SDK2: variants seen among roughly 807,000 people sequenced by gnomAD.
The protein encoded by SDK2 is sidekick cell adhesion molecule 2.
A neutral mutation model predicts 253.9 loss-of-function variants in SDK2; 105 were observed. The ratio of observed to expected loss-of-function variants is 0.41; its 90% CI spans 0.35 to 0.49. The LOEUF (loss-of-function observed/expected upper bound fraction) is 0.49, where lower values mean the gene tolerates loss of function less well. SDK2 is among the 20% of genes least tolerant of loss of function. The pLI is 0.06. For synonymous variants in SDK2, 1,249 were observed against 1,234.9 expected (o/e 1.01, Z -0.24); for missense variants, 2,608 against 3,003.0 (o/e 0.87, Z 3.07).
chr17:73,563,328 C>G (rs1455498592), intron 1 of SDK2, among the ~76,000 whole-genome samples: 3 of 152,340 alleles, frequency 2.0e-5, no homozygotes, highest in East Asian at 3.8e-4. Context: ...CATCCCAACA[C>G]TTTGGGAGGC....
chr17:73,468,815 G>A (rs1237106753), intron 3 of SDK2, among the ~76,000 whole-genome samples: 3 of 149,650 alleles, frequency 2.0e-5, no homozygotes, highest in Non-Finnish European at 3.0e-5. Context: ...TTGAGCCACC[G>A]CACCCAGCCT....
chr17:73,394,210 T>C lies in SDK2; in HGVS notation c.3707A>G (p.Lys1236Arg). The change falls in exon 26 of 45, where the codon AAG (lysine) becomes AGG (arginine). Residue 1236 changes from lysine to arginine, a missense_variant and splice_region_variant. Around this residue, in one of 2 missense-constraint regions of SDK2, gnomAD observed 1,505 missense variants for 1,859.1 expected, o/e 0.81. Transcript: ENST00000392650. ...ADRNGLVLGY[K>R]VMYKEKDSDT... is the part of the protein sequence containing the mutation. ...ACCTCCTGGGATCCCGGGACTCACC[T>C]TATAGCCCAGCACGAGCCCGTTGCG... The C allele has an allele frequency of 1.3e-6, 2 of 1,555,852 alleles. No individual in the cohort carries two copies. Among genetic ancestry groups the C allele is most frequent in the African/African-American group, 1.4e-5 (1 of 73,722 alleles).
At chr17:73,571,693 T>A (rs563485722) in intron 1 of SDK2, among the ~76,000 whole-genome samples, 1 of 152,334 alleles carries the variant, frequency 6.6e-6, no homozygotes, top group East Asian at 1.9e-4. Flanking sequence ...GGGCTACGCC[T>A]TCTTACTGGA....
intron 4 of SDK2, among the ~76,000 whole-genome samples, chr17:73,449,792 G>A (rs1250990392): frequency 6.6e-6 from 1 of 151,800 alleles, no homozygotes; most frequent in Non-Finnish European, 1.5e-5. Flanking sequence ...TGGTGGTGGT[G>A]CATGCCTGTA....
intron 1 of SDK2, among the ~76,000 whole-genome samples, chr17:73,608,032 C>A (rs1437331336): frequency 2.6e-5 from 4 of 152,118 alleles, no homozygotes; most frequent in Non-Finnish European, 5.9e-5. Context: ...TGACCACCAA[C>A]TACACCCCAC....
intron 1 of SDK2, among the ~76,000 whole-genome samples, chr17:73,568,988 G>A (rs1027102224): frequency 2.0e-5 from 3 of 152,150 alleles, no homozygotes; most frequent in Admixed American, 1.3e-4. Flanking sequence ...TGGCCTTTGT[G>A]TATATTTTCT....
chr17:73,378,493 C>T (rs1397673365), intron 36 of SDK2, among the ~76,000 whole-genome samples: 1 of 151,752 alleles, frequency 6.6e-6, no homozygotes, highest in Non-Finnish European at 1.5e-5. Flanking sequence ...AATCTCGGCT[C>T]ACTGCAACCT....
rs143699624 is a variant in SDK2 at position 73,569,744 on chromosome 17, AAAG to A, written c.65-62150_65-62148del. ...GCACTCTGGGAAAGATCAGACGAGA[AAAG>A]AAAACTGGGTCAATCCCACTCACAT... On this transcript the variant is annotated intron_variant, in intron 1 of 44. Coordinates refer to ENST00000392650, the MANE Select transcript of SDK2 (RefSeq NM_001144952.2). Among the ~76,000 whole-genome samples, 208 of 152,106 alleles carry A rather than the reference AAAG, an allele frequency of 1.4e-3. 2 individuals are homozygous for A. Among genetic ancestry groups the A allele is most frequent in the African/African-American group, 4.9e-3 (203 of 41,468 alleles).
chr17:73,531,114 C>A (rs533254308), intron 1 of SDK2, among the ~76,000 whole-genome samples: 1 of 152,292 alleles, frequency 6.6e-6, no homozygotes, highest in Admixed American at 6.5e-5. Context: ...TGTTCCCACC[C>A]TCATCCCTTG....
intron 1 of SDK2, among the ~76,000 whole-genome samples, chr17:73,585,778 G>A (rs895470463): frequency 7.9e-5 from 12 of 152,164 alleles, no homozygotes; most frequent in Non-Finnish European, 1.8e-4. Context: ...AGGGACTTAG[G>A]AGCCAGCACT....
intron 1 of SDK2, among the ~76,000 whole-genome samples, chr17:73,545,099 G>GCGCGCGCACACACACACACA: frequency 6.9e-6 from 1 of 145,818 alleles, no homozygotes; most frequent in African/African-American, 2.6e-5. Flanking sequence ...GCACGTGCAC[G>GCGCGCGCACACACACACACA]CACACACACA....
In SDK2 at chr17:73,570,691, GAGA is replaced by G. The variant is rs1398164118; in HGVS notation, c.65-63097_65-63095del. ...TTACAGATGGGAAGGCTGAGGCTCA[GAGA>G]AGATCAAGTCCTTGCCCGTGGCAGA... On this transcript the variant is annotated intron_variant, in intron 1 of 44. Coordinates refer to ENST00000392650, the MANE Select transcript of SDK2 (RefSeq NM_001144952.2). This position sits in a 1 kb window ranked among gnomAD's most constrained non-coding sequence, Gnocchi z 4.2. 2.0e-5 allele frequency among the ~76,000 whole-genome samples: 3 copies of G among 152,232 alleles called. No individual in the cohort carries two copies. The highest frequency in any genetic ancestry group is 7.2e-5 in the African/African-American group (3 of 41,454).
chr17:73,396,462 A>ACCCACTTTAC (rs780627592), intron 24 of SDK2, among the ~76,000 whole-genome samples: 105 of 151,782 alleles, frequency 6.9e-4, no homozygotes, highest in Non-Finnish European at 1.3e-3. Context: ...CCCTAGGCTG[A>ACCCACTTTAC]CCCACTTTAC....
chr17:73,338,676 G>A lies in SDK2; in HGVS notation c.6430C>T (p.Pro2144Ser), dbSNP rs770098030. 6.3e-7 allele frequency: 1 copy of A among 1,589,042 alleles called. No homozygotes were observed. Among genetic ancestry groups the A allele is most frequent in the African/African-American group, 1.4e-5 (1 of 73,896 alleles). ...TPTPQNPPNP[P>S]SQQSTLYRPP... ...CGGTAGAGGGTGCTCTGCTGACTTG[G>A]GGGGTTAGGGGGGTTCTGGGGCGTT... The change falls in exon 45 of 45, where the codon CCA becomes TCA. Residue 2144 changes from proline to serine, a missense_variant. This residue lies in a region of SDK2 where 1,103 missense variants were observed against 1,143.9 expected (regional missense o/e 0.96). Coordinates refer to ENST00000392650, the MANE Select transcript of SDK2 (RefSeq NM_001144952.2). The surrounding 1 kb of genome is among the most constrained non-coding windows in gnomAD (Gnocchi z 5.0).
intron 15 of SDK2, among the ~76,000 whole-genome samples, chr17:73,420,065 T>C (rs1025220848): frequency 5.9e-5 from 9 of 152,122 alleles, no homozygotes; most frequent in African/African-American, 2.2e-4. Flanking sequence ...TAGGCCTCCT[T>C]TGCTGGCCAG....
At chr17:73,432,117 A>G (rs1668584690) in intron 10 of SDK2, among the ~76,000 whole-genome samples, 1 of 151,852 alleles carries the variant, frequency 6.6e-6, no homozygotes, top group Non-Finnish European at 1.5e-5. Context: ...AAGAGAGTGA[A>G]GGGAAGTGAC....
In SDK2 at chr17:73,390,451, G is replaced by A; in HGVS notation, c.4028C>T (p.Thr1343Ile). The A allele has an allele frequency of 6.2e-7, 1 of 1,612,832 alleles. No individual in the cohort carries two copies. The highest frequency in any genetic ancestry group is 8.5e-7 in the Non-Finnish European group (1 of 1,179,366). The change falls in exon 29 of 45, where the codon ACC becomes ATC. Residue 1343 changes from threonine to isoleucine, a missense_variant. Transcript: ENST00000392650. The stretch of plus-strand genomic sequence containing the variant: ...CTCCACAGTGGCGGTGTTGGCCGTG[G>A]TGGTGTTGAGCCGGTGTGTGATCTG... ...AYQITHRLNT[T>I]TANTATVEVL...
chr17:73,395,479 G>A lies in SDK2; in HGVS notation c.3355-87C>T, dbSNP rs1599521338. 3 of 1,065,572 alleles carry A rather than the reference G, an allele frequency of 2.8e-6. No homozygotes were observed. The highest frequency in any genetic ancestry group is 4.2e-6 in the Non-Finnish European group (3 of 715,996). 66.0% of individuals were successfully genotyped at this position (1,065,572 alleles called of 1,614,324 possible). On this transcript the variant is annotated intron_variant, in intron 24 of 44. Coordinates refer to ENST00000392650, the MANE Select transcript of SDK2 (RefSeq NM_001144952.2). This position sits in a 1 kb window ranked among gnomAD's most constrained non-coding sequence, Gnocchi z 4.3. ...ACTGCCCTGCTACCCTCTCCTCCAG[G>A]GCGCCTTCAGGGCTATCCATCCCAC...
intron 1 of SDK2, among the ~76,000 whole-genome samples, chr17:73,568,828 A>G (rs2045343684): frequency 6.6e-6 from 1 of 152,174 alleles, no homozygotes; most frequent in African/African-American, 2.4e-5. Context: ...AGGAAGGAAC[A>G]TGCTTTATCT....
Sources: gnomAD v4.1 joint callset for allele counts (sites outside exome capture counted in the v4.1 genomes callset) on GRCh38, gnomAD v4.1.1 for gene constraint, gnomAD v4.1.1 regional missense constraint, Gnocchi (gnomAD v3.1) non-coding constraint, MANE v1.5 for transcripts, NCBI Gene and HGNC (gene_info 2026-07-23, HGNC 2026-07-21) for gene names.